The following CNTNAP2 variants were observed in gnomAD, a reference collection of about 807,000 sequenced individuals.
CNTNAP2 encodes the protein contactin-associated protein-like 2.
Under a neutral mutation model 155.2 loss-of-function variants are expected in CNTNAP2, and 98 were observed. That is an observed-to-expected ratio of 0.63 (90% CI 0.54 to 0.75). The LOEUF is 0.75. CNTNAP2 is among the 30% of genes least tolerant of loss of function. The probability of loss-of-function intolerance (pLI) is 0.00; values close to 1 mark genes in which losing one functional copy is unlikely to be tolerated. For missense variants in CNTNAP2, 1,727 were observed against 1,688.1 expected (o/e 1.02, Z -0.40); for synonymous variants, 651 against 631.2 (o/e 1.03, Z -0.47).
At chr7:146,189,660 G>A (rs949648207) in intron 1 of CNTNAP2, among the ~76,000 whole-genome samples, 76 of 152,272 alleles carry the variant, frequency 5.0e-4, no homozygotes, top group Non-Finnish European at 1.0e-3. Flanking sequence ...TGACCTTTTA[G>A]CAAGAAAGTA....
chr7:148,105,196 G>A (rs1241840516), intron 15 of CNTNAP2, among the ~76,000 whole-genome samples: 6 of 152,188 alleles, frequency 3.9e-5, no homozygotes, highest in African/African-American at 1.4e-4. Context: ...TGCCCAGTCC[G>A]GGGATACGTC....
intron 4 of CNTNAP2, among the ~76,000 whole-genome samples, chr7:147,093,007 C>T (rs1330315374): frequency 3.3e-5 from 5 of 151,450 alleles, no homozygotes; most frequent in Middle Eastern, 3.4e-3. Context: ...CGGATCACGA[C>T]GTCAGGAGAT....
intron 21 of CNTNAP2, among the ~76,000 whole-genome samples, chr7:148,330,510 AT>A (rs1273326009): frequency 3.3e-5 from 5 of 149,926 alleles, no homozygotes; most frequent in African/African-American, 1.2e-4. Context: ...GATGGAGTGG[AT>A]GGATGGAGTG....
At chr7:147,751,178 T>G (rs1797130379) in intron 13 of CNTNAP2, among the ~76,000 whole-genome samples, 1 of 151,806 alleles carries the variant, frequency 6.6e-6, no homozygotes, top group Non-Finnish European at 1.5e-5. Flanking sequence ...AGATCCTGTC[T>G]TTTATTTTCT....
At chr7:147,617,518 T>G (rs1343510924) in intron 12 of CNTNAP2, among the ~76,000 whole-genome samples, 2 of 152,130 alleles carry the variant, frequency 1.3e-5, no homozygotes, top group African/African-American at 2.4e-5. Context: ...AAATAATATT[T>G]TAAAAAGTCT....
chr7:147,834,816 CTAA>C (rs1207160270), intron 13 of CNTNAP2, among the ~76,000 whole-genome samples: 2 of 152,158 alleles, frequency 1.3e-5, no homozygotes, highest in African/African-American at 4.8e-5. Flanking sequence ...CACACTTTGC[CTAA>C]TAATAATGCT....
chr7:147,582,353 T>C (rs1800518320), intron 12 of CNTNAP2, among the ~76,000 whole-genome samples: 1 of 152,228 alleles, frequency 6.6e-6, no homozygotes, highest in South Asian at 2.1e-4. Flanking sequence ...TTTTATGCCT[T>C]ATGGACTCAG....
At chr7:147,473,377 G>C (rs974391470) in intron 10 of CNTNAP2, among the ~76,000 whole-genome samples, 8 of 152,140 alleles carry the variant, frequency 5.3e-5, no homozygotes, top group Admixed American at 6.5e-5. Context: ...TGAATGGGTT[G>C]ACAAAGCCAG....
At chr7:148,396,783 G>A (rs1799477505) in intron 22 of CNTNAP2, among the ~76,000 whole-genome samples, 1 of 152,152 alleles carries the variant, frequency 6.6e-6, no homozygotes, top group Non-Finnish European at 1.5e-5. Flanking sequence ...TCCTAATTCT[G>A]CTGTTGAGTT....
chr7:146,320,110 T>C (rs1800976179), intron 1 of CNTNAP2, among the ~76,000 whole-genome samples: 3 of 152,160 alleles, frequency 2.0e-5, no homozygotes, highest in East Asian at 1.9e-4. Flanking sequence ...AAAAAGACTC[T>C]GAGTATAAAT....
chr7:147,131,555 G>T (rs1286231679), intron 7 of CNTNAP2, among the ~76,000 whole-genome samples: 1 of 151,716 alleles, frequency 6.6e-6, no homozygotes, highest in Non-Finnish European at 1.5e-5. Context: ...TCTCCATTTA[G>T]CCCATTTATA....
At position 146,862,344 on chromosome 7, in the gene CNTNAP2, C is replaced by T. The variant is rs569124275; in HGVS notation, c.402+22440C>T. ...GGACCTTTCTTAATGACAACAAAAA[C>T]GAAAAAAGTGTAGTTTTGGCAACTT... is the stretch of plus-strand genomic sequence containing the variant. On this transcript the variant is annotated intron_variant, in intron 3 of 23. Transcript: ENST00000361727. Among the ~76,000 whole-genome samples, 131 of 151,758 alleles carry T rather than the reference C, an allele frequency of 8.6e-4. 1 individual carries two copies. The highest frequency in any genetic ancestry group is 1.6e-3 in the Admixed American group (25 of 15,240).
At chr7:146,592,738 C>T (rs1319966877) in intron 1 of CNTNAP2, among the ~76,000 whole-genome samples, 1 of 152,092 alleles carries the variant, frequency 6.6e-6, no homozygotes, top group Non-Finnish European at 1.5e-5. Context: ...GTACCAGACA[C>T]CTATTAACTT....
chr7:146,284,181 C>T (rs2129085333), intron 1 of CNTNAP2, among the ~76,000 whole-genome samples: 1 of 152,174 alleles, frequency 6.6e-6, no homozygotes, highest in African/African-American at 2.4e-5. Context: ...GAAATAGAAG[C>T]ATTATTTTTC....
Position 146,388,460 on chromosome 7 carries a change from T to C in CNTNAP2, c.97+271487T>C, listed in dbSNP as rs550380967. On this transcript the variant is annotated intron_variant, in intron 1 of 23. Coordinates refer to ENST00000361727, the MANE Select transcript of CNTNAP2 (RefSeq NM_014141.6). ...TAAAAAAATAATATTTGTGGGTATA[T>C]AGTAGGTGTATATATTTATGGGGTA... is the stretch of plus-strand genomic sequence containing the variant. 1.3e-4 allele frequency among the ~76,000 whole-genome samples: 19 copies of C among 152,000 alleles called. No homozygotes were observed. In the Middle Eastern group the frequency reaches 0.014, roughly 109 times the overall value.
intron 20 of CNTNAP2, among the ~76,000 whole-genome samples, chr7:148,264,443 G>A (rs1796630764): frequency 6.6e-6 from 1 of 151,476 alleles, no homozygotes; most frequent in East Asian, 1.9e-4. Flanking sequence ...GAATTTTGTT[G>A]TATTTTTATC....
rs116138367 is a variant in CNTNAP2 at position 148,349,302 on chromosome 7, G to A, written c.3476-34347G>A. Among the ~76,000 whole-genome samples, 879 of 152,042 alleles carry A rather than the reference G, an allele frequency of 5.8e-3. 7 individuals are homozygous for A. Among genetic ancestry groups the A allele is most frequent in the African/African-American group, 0.02 (825 of 41,460 alleles). ...GTATAATAGGAGTGTCCAACCTTTC[G>A]GCTTTCCTGGGCCACATTGGAAGAA... On this transcript the variant is annotated intron_variant, in intron 21 of 23. Coordinates refer to ENST00000361727, the MANE Select transcript of CNTNAP2 (RefSeq NM_014141.6).
intron 15 of CNTNAP2, among the ~76,000 whole-genome samples, chr7:148,096,667 C>A (rs1803978899): frequency 6.6e-6 from 1 of 152,030 alleles, no homozygotes; most frequent in Non-Finnish European, 1.5e-5. Flanking sequence ...AGCATCGAAA[C>A]CAAACCCCAC....
At chr7:146,777,200 A>G (rs1436171246) in intron 2 of CNTNAP2, among the ~76,000 whole-genome samples, 1 of 142,646 alleles carries the variant, frequency 7.0e-6, no homozygotes, top group Non-Finnish European at 1.6e-5. Flanking sequence ...TCCTATAGAT[A>G]TAGATCTACA....
Sources: allele counts gnomAD v4.1 joint callset (sites outside exome capture counted in the v4.1 genomes callset), GRCh38; gene constraint gnomAD v4.1.1; transcripts MANE v1.5; gene names NCBI Gene and HGNC (gene_info 2026-07-23, HGNC 2026-07-21).